The following TENM3 variants were observed in gnomAD, a reference collection of about 807,000 sequenced individuals.
The protein encoded by TENM3 is teneurin transmembrane protein 3.
Under a neutral mutation model 255.1 loss-of-function variants are expected in TENM3, and 63 were observed. That is an observed-to-expected ratio of 0.25 (90% CI 0.20 to 0.30). The LOEUF (loss-of-function observed/expected upper bound fraction) is 0.30, where lower values mean the gene tolerates loss of function less well. TENM3 is among the 10% of genes least tolerant of loss of function. The pLI is 1.00. For synonymous variants in TENM3, 1,306 were observed against 1,322.3 expected, an observed-to-expected ratio of 0.99 and a Z score of 0.27; for missense variants, 2,929 against 3,461.1, an observed-to-expected ratio of 0.85 and a Z score of 3.86.
chr4:181,915,529 A>C, the TENM3 span, among the ~76,000 whole-genome samples: 1 of 152,176 alleles, frequency 6.6e-6, no homozygotes, highest in Non-Finnish European at 1.5e-5. Context: ...TGATTCAAAG[A>C]AAAAGATGAG....
At chr4:181,895,652 C>T in the TENM3 span, among the ~76,000 whole-genome samples, 1 of 150,320 alleles carries the variant, frequency 6.7e-6, no homozygotes, top group African/African-American at 2.5e-5. Flanking sequence ...TCAAGCAATC[C>T]TCCCTTACCA....
the TENM3 span, among the ~76,000 whole-genome samples, chr4:182,064,596 T>G: frequency 6.6e-6 from 1 of 151,142 alleles, no homozygotes; most frequent in Non-Finnish European, 1.5e-5. Context: ...AAAAAAGAAA[T>G]TTGACTTCAT....
At chr4:182,788,041 G>A (rs190478554) in intron 24 of TENM3, among the ~76,000 whole-genome samples, 6 of 152,248 alleles carry the variant, frequency 3.9e-5, no homozygotes, top group South Asian at 4.1e-4. Context: ...ATATATAAAC[G>A]TGAGTGGTTG....
At chr4:182,288,695 C>T (rs1475273811) in intron 1 of TENM3, among the ~76,000 whole-genome samples, 1 of 152,138 alleles carries the variant, frequency 6.6e-6, no homozygotes, top group Non-Finnish European at 1.5e-5. Flanking sequence ...GTGACTTCTC[C>T]AAGCTCATAC....
chr4:182,529,052 T>G (rs1397403060), intron 3 of TENM3, among the ~76,000 whole-genome samples: 1 of 152,254 alleles, frequency 6.6e-6, no homozygotes, highest in Non-Finnish European at 1.5e-5. Flanking sequence ...TTTTGTGATT[T>G]CTATGCTTGC....
At chr4:182,797,160 C>T (rs952640330) in intron 27 of TENM3, among the ~76,000 whole-genome samples, 4 of 152,172 alleles carry the variant, frequency 2.6e-5, no homozygotes, top group Admixed American at 6.5e-5. Context: ...AGTGTTTTGG[C>T]CGAGTGAGGG....
chr4:182,159,563 A>G (rs1239720313), intron 1 of TENM3, among the ~76,000 whole-genome samples: 2 of 152,088 alleles, frequency 1.3e-5, no homozygotes, highest in Admixed American at 1.3e-4. Context: ...AATGACCACA[A>G]CGCAGTCACA....
the TENM3 span, among the ~76,000 whole-genome samples, chr4:182,101,910 G>A: frequency 6.6e-5 from 10 of 152,118 alleles, no homozygotes; most frequent in Admixed American, 2.0e-4. Context: ...ATTATTTGTC[G>A]ATTAAAAATG....
At chr4:182,773,754 C>G (rs1764459486) in intron 23 of TENM3, 107 bp downstream of exon 23, 1 of 947,980 alleles carries the variant, frequency 1.1e-6, no homozygotes, top group Non-Finnish European at 1.6e-6. Flanking sequence ...AAAATGTAAA[C>G]CTCTAGAAAT....
rs866053567 is a variant in TENM3, at chr4:182,527,367, A to T, written c.512-73557A>T. Among the ~76,000 whole-genome samples the T allele has an allele frequency of 4.6e-5, 7 of 152,296 alleles. No homozygotes were observed. The Middle Eastern group carries it at 0.01, about 222-fold the overall frequency. On this transcript the variant is annotated intron_variant, in intron 3 of 27. Transcript: ENST00000511685. ...ATGGTGCTATACCTAATTACAGATG[A>T]TCAAGTCATTCAGAAGAATCGTTAG... is the stretch of plus-strand genomic sequence containing the variant.
In TENM3 at chr4:182,792,576, T is replaced by C. The variant is rs539782052; in HGVS notation, c.5904T>C (p.Phe1968=). ...EILYDSTRVS[F]TYDETAGVLK... Reference sequence around the variant, plus strand: ...TATATGATAGCACAAGAGTCAGTTTTACCTATGATGAAACAGCAGGAGTCC... The same window carrying C: ...TATATGATAGCACAAGAGTCAGTTTCACCTATGATGAAACAGCAGGAGTCC... Residue 1968 remains phenylalanine (F), a synonymous_variant, in exon 26 of 28, where the codon TTT becomes TTC. Transcript: ENST00000511685. The surrounding 1 kb of genome is among the most constrained non-coding windows in gnomAD (Gnocchi z 6.3). 7 of 1,614,054 alleles carry C rather than the reference T, an allele frequency of 4.3e-6. No individual in the cohort carries two copies. Among genetic ancestry groups the C allele is most frequent in the Non-Finnish European group, 5.1e-6 (6 of 1,179,900 alleles).
chr4:181,736,447 C>T, the TENM3 span, among the ~76,000 whole-genome samples: 3 of 152,024 alleles, frequency 2.0e-5, no homozygotes, highest in Non-Finnish European at 4.4e-5. Flanking sequence ...TCCAGAGCTT[C>T]GTTATAGCTT....
intron 5 of TENM3, among the ~76,000 whole-genome samples, chr4:182,647,325 G>GT (rs1431122441): frequency 6.6e-6 from 1 of 152,160 alleles, no homozygotes; most frequent in Non-Finnish European, 1.5e-5. Context: ...TTTACAAAAT[G>GT]TTTTTATAGT....
At chr4:182,453,963 T>C (rs1773681737) in intron 3 of TENM3, among the ~76,000 whole-genome samples, 1 of 152,222 alleles carries the variant, frequency 6.6e-6, no homozygotes, top group Non-Finnish European at 1.5e-5. Context: ...GCTGAGCTCT[T>C]AAAAGTTTAT....
intron 1 of TENM3, among the ~76,000 whole-genome samples, chr4:182,203,672 A>G (rs1754353161): frequency 6.6e-6 from 1 of 152,058 alleles, no homozygotes; most frequent in African/African-American, 2.4e-5. Flanking sequence ...CGCTAACCTG[A>G]GAGGGAGAGT....
chr4:182,317,443 G>T (rs1375336258), intron 1 of TENM3, among the ~76,000 whole-genome samples: 4 of 151,776 alleles, frequency 2.6e-5, no homozygotes, highest in African/African-American at 9.7e-5. Flanking sequence ...GGGACTACAG[G>T]CATGTGCCAC....
intron 13 of TENM3, among the ~76,000 whole-genome samples, chr4:182,716,439 C>T (rs1199055047): frequency 6.6e-6 from 1 of 152,140 alleles, no homozygotes; most frequent in Non-Finnish European, 1.5e-5. Context: ...GCTCCCCTCT[C>T]GGAGGGGAAA....
At chr4:182,493,107 G>A (rs1025469047) in intron 3 of TENM3, among the ~76,000 whole-genome samples, 4 of 152,086 alleles carry the variant, frequency 2.6e-5, no homozygotes, top group African/African-American at 9.7e-5. Flanking sequence ...AGAAAATTTA[G>A]TGAGTTGATA....
At chr4:182,307,367 C>T (rs1444614903) in intron 1 of TENM3, among the ~76,000 whole-genome samples, 2 of 152,070 alleles carry the variant, frequency 1.3e-5, no homozygotes, top group African/African-American at 4.8e-5. Flanking sequence ...GTAGAGAGAC[C>T]AAAAATTATA....
Sources: allele counts gnomAD v4.1 joint callset (sites outside exome capture counted in the v4.1 genomes callset), GRCh38; gene constraint gnomAD v4.1.1; non-coding constraint Gnocchi (gnomAD v3.1); transcripts MANE v1.5; gene names NCBI Gene and HGNC (gene_info 2026-07-23, HGNC 2026-07-21).